Variants in DYRK1A observed in about 807,000 individuals in gnomAD.
DYRK1A encodes dual specificity tyrosine phosphorylation regulated kinase 1A.
In DYRK1A, 9 loss-of-function variants were observed where a neutral mutation model predicts 79.7. That is an observed-to-expected ratio of 0.11 (90% CI 0.07 to 0.20). The LOEUF (loss-of-function observed/expected upper bound fraction) is 0.20, where lower values mean the gene tolerates loss of function less well. DYRK1A is among the 10% of genes least tolerant of loss of function. The pLI, the probability that DYRK1A is intolerant of heterozygous loss-of-function variation, is 1.00. For missense variants in DYRK1A, 622 were observed against 956.0 expected (o/e 0.65, Z 4.61); for synonymous variants, 349 against 329.7 (o/e 1.06, Z -0.63).
At chr21:37,378,726 A>C (rs2049598422) in intron 1 of DYRK1A, among the ~76,000 whole-genome samples, 2 of 152,176 alleles carry the variant, frequency 1.3e-5, no homozygotes, top group Non-Finnish European at 2.9e-5. Context: ...AAAAGTGAAT[A>C]AGGTTTGGTT....
At chr21:37,497,485 C>G (rs1446740664) in intron 9 of DYRK1A, among the ~76,000 whole-genome samples, 3 of 152,078 alleles carry the variant, frequency 2.0e-5, no homozygotes, top group Non-Finnish European at 1.5e-5. Context: ...TCCATGTAAC[C>G]AAAAACTTAG....
intron 5 of DYRK1A, among the ~76,000 whole-genome samples, chr21:37,483,384 T>C (rs896873236): frequency 7.2e-5 from 11 of 152,206 alleles, no homozygotes; most frequent in Admixed American, 4.6e-4. Flanking sequence ...TAAGCAAATA[T>C]GAACATTTGT....
chr21:37,369,821 C>T (rs1180698754), intron 1 of DYRK1A, among the ~76,000 whole-genome samples: 2 of 152,224 alleles, frequency 1.3e-5, no homozygotes, highest in South Asian at 4.1e-4. Flanking sequence ...ATAAGATCAT[C>T]TCTTAAACCT....
rs2053590544 is a variant in DYRK1A at position 37,506,159 on chromosome 21, G to A, written c.1580G>A (p.Arg527Gln). 1.9e-6 allele frequency: 3 copies of A among 1,614,146 alleles called. No homozygotes were observed. The highest frequency in any genetic ancestry group is 1.3e-5 in the African/African-American group (1 of 75,048). The stretch of plus-strand genomic sequence containing the variant: ...CGGTCGGATCCGACGCACCAGCATC[G>A]GCACAGTGGTGGGCACTTCACAGCT... ...RARSDPTHQH[R>Q]HSGGHFTAAV... The change falls in exon 11 of 12, where the codon CGG becomes CAG. Residue 527 changes from arginine (R) to glutamine (Q), a missense_variant. Physicochemically the swap from Arg to Gln is conservative, Grantham distance 43 (BLOSUM62 1). This residue lies in a region of DYRK1A where 292 missense variants were observed against 316.7 expected (regional missense o/e 0.92). Transcript: ENST00000647188.
In DYRK1A at chr21:37,512,827, C is replaced by G. The variant is rs1013752683; in HGVS notation, c.*296C>G. 5.6e-6 allele frequency: 2 copies of G among 355,532 alleles called. No individual in the cohort carries two copies. The highest frequency in any genetic ancestry group is 2.1e-5 in the African/African-American group (1 of 48,524). 22.0% of individuals were successfully genotyped at this position (355,532 alleles called of 1,614,324 possible). ...GGGGTTTTTTTGTCTTTCTATTCAG[C>G]AAAAGTTAATATTCAGATGTTGGTC... is the stretch of plus-strand genomic sequence containing the variant. On this transcript the variant is annotated 3_prime_UTR_variant, in exon 12 of 12. Coordinates refer to ENST00000647188, the MANE Select transcript of DYRK1A (RefSeq NM_001347721.2).
intron 11 of DYRK1A, among the ~76,000 whole-genome samples, chr21:37,507,999 TC>T (rs1398093195): frequency 6.6e-6 from 1 of 152,162 alleles, no homozygotes; most frequent in Non-Finnish European, 1.5e-5. Context: ...TCCCAACGCT[TC>T]TACTTTTGCC....
At chr21:37,421,540 C>T (rs71332580) in intron 2 of DYRK1A, among the ~76,000 whole-genome samples, 3 of 152,056 alleles carry the variant, frequency 2.0e-5, no homozygotes, top group Non-Finnish European at 2.9e-5. Flanking sequence ...ATCTCTGTTA[C>T]GCATCTATCA....
intron 2 of DYRK1A, among the ~76,000 whole-genome samples, chr21:37,470,945 C>T (rs1027370698): frequency 6.6e-6 from 1 of 152,174 alleles, no homozygotes; most frequent in Non-Finnish European, 1.5e-5. Flanking sequence ...TATCCTTTTA[C>T]TTATTTAATA....
At chr21:37,479,969 A>G (rs1420086075) in intron 4 of DYRK1A, among the ~76,000 whole-genome samples, 1 of 152,056 alleles carries the variant, frequency 6.6e-6, no homozygotes, top group African/African-American at 2.4e-5. Context: ...GTGATTAACC[A>G]TAGGCGTATG....
intron 7 of DYRK1A, 102 bp from the exon 8 acceptor site, chr21:37,492,915 A>G: frequency 1.0e-6 from 1 of 960,968 alleles, no homozygotes; most frequent in Non-Finnish European, 1.5e-6. Flanking sequence ...TAATTCAGGA[A>G]TTAGCCAATT....
chr21:37,378,403 A>T (rs1457868287), intron 1 of DYRK1A, among the ~76,000 whole-genome samples: 1 of 152,138 alleles, frequency 6.6e-6, no homozygotes, highest in Non-Finnish European at 1.5e-5. Context: ...GTGGTGGTAC[A>T]TGCCTGTAAT....
chr21:37,496,534 G>T (rs561757668), intron 9 of DYRK1A, among the ~76,000 whole-genome samples: 64 of 152,238 alleles, frequency 4.2e-4, no homozygotes, highest in African/African-American at 1.4e-3. Flanking sequence ...CACCATACTT[G>T]GTTTCAACAG....
intron 1 of DYRK1A, among the ~76,000 whole-genome samples, chr21:37,373,930 T>C (rs1383090097): frequency 6.6e-6 from 1 of 152,212 alleles, no homozygotes; most frequent in Admixed American, 6.5e-5. Flanking sequence ...TGGATTGCAT[T>C]AGTTAATAAG....
intron 3 of DYRK1A, among the ~76,000 whole-genome samples, chr21:37,476,312 C>T (rs1350292727): frequency 6.6e-6 from 1 of 152,144 alleles, no homozygotes; most frequent in Non-Finnish European, 1.5e-5. Context: ...GCATGGAAGA[C>T]TTGTAAAAAT....
intron 2 of DYRK1A, among the ~76,000 whole-genome samples, chr21:37,441,839 A>G (rs368393915): frequency 6.6e-6 from 1 of 151,994 alleles, no homozygotes; most frequent in South Asian, 2.1e-4. Context: ...GTATAGGTCC[A>G]TATTTCCATC....
At chr21:37,376,233 G>C (rs2049537415) in intron 1 of DYRK1A, among the ~76,000 whole-genome samples, 2 of 152,204 alleles carry the variant, frequency 1.3e-5, no homozygotes, top group African/African-American at 4.8e-5. Context: ...GTTTAGGCCA[G>C]GCGCAGTGGC....
At chr21:37,453,828 C>T (rs928430633) in intron 2 of DYRK1A, among the ~76,000 whole-genome samples, 18 of 152,006 alleles carry the variant, frequency 1.2e-4, no homozygotes, top group East Asian at 5.8e-4. Context: ...TTTTTACGTA[C>T]AAAATAGGAA....
chr21:37,422,935 A>G (rs1201454011), intron 2 of DYRK1A, among the ~76,000 whole-genome samples: 2 of 152,160 alleles, frequency 1.3e-5, no homozygotes, highest in African/African-American at 4.8e-5. Context: ...GTTTTAAAAT[A>G]CAGTTAGAAC....
chr21:37,468,760 G>C (rs2052120352), intron 2 of DYRK1A, among the ~76,000 whole-genome samples: 1 of 152,088 alleles, frequency 6.6e-6, no homozygotes, highest in South Asian at 2.1e-4. Flanking sequence ...GTGTTTAGAA[G>C]GTAATAGATT....
Sources: gnomAD v4.1 joint callset for allele counts (sites outside exome capture counted in the v4.1 genomes callset) on GRCh38, gnomAD v4.1.1 for gene constraint, gnomAD v4.1.1 regional missense constraint, MANE v1.5 for transcripts, NCBI Gene and HGNC (gene_info 2026-07-23, HGNC 2026-07-21) for gene names.